RAB2A: variants seen among roughly 807,000 people sequenced by gnomAD.
RAB2A encodes ras-related protein Rab-2A.
In RAB2A, 7 loss-of-function variants were observed where a neutral mutation model predicts 32.5. That is an observed-to-expected ratio of 0.22 (90% confidence interval 0.12 to 0.40). The LOEUF (loss-of-function observed/expected upper bound fraction) is 0.40, where lower values mean the gene tolerates loss of function less well. RAB2A is among the 10% of genes least tolerant of loss of function. The probability of loss-of-function intolerance (pLI) is 1.00; values close to 1 mark genes in which losing one functional copy is unlikely to be tolerated. For synonymous variants in RAB2A, 79 were observed against 85.2 expected, an observed-to-expected ratio of 0.93 and a Z score of 0.40; for missense variants, 108 against 260.7, an observed-to-expected ratio of 0.41 and a Z score of 4.03.
At chr8:60,606,896 G>A (rs1387921066) in intron 6 of RAB2A, among the ~76,000 whole-genome samples, 2 of 152,222 alleles carry the variant, frequency 1.3e-5, no homozygotes, top group African/African-American at 2.4e-5. Context: ...CCTGTGATGG[G>A]TTGGGCTCCT....
In RAB2A at chr8:60,544,240, A is replaced by G. The variant is rs562679521; in HGVS notation, c.47-14612A>G. Among the ~76,000 whole-genome samples the G allele has an allele frequency of 4.6e-5, 7 of 151,776 alleles. No individual in the cohort carries two copies. In the South Asian group the frequency reaches 1.5e-3, roughly 32 times the overall value. ...TTTTTAGTAGAGACAGGGTTTCACC[A>G]TATTGGCCAGGCTGGTCTCGAACTC... On this transcript the variant is annotated intron_variant, in intron 1 of 7. Transcript: ENST00000262646.
intron 1 of RAB2A, among the ~76,000 whole-genome samples, chr8:60,543,381 C>T (rs1456130691): frequency 2.0e-5 from 2 of 101,066 alleles, no homozygotes; most frequent in African/African-American, 9.2e-5. Flanking sequence ...TGTCTTCATT[C>T]ACTTAACTGT....
At chr8:60,529,675 A>G (rs1200115558) in intron 1 of RAB2A, among the ~76,000 whole-genome samples, 1 of 152,128 alleles carries the variant, frequency 6.6e-6, no homozygotes, top group Non-Finnish European at 1.5e-5. Context: ...TTGGGGGTTT[A>G]TCTATATTAA....
intron 1 of RAB2A, among the ~76,000 whole-genome samples, chr8:60,548,988 T>C (rs1807797787): frequency 6.8e-6 from 1 of 146,900 alleles, no homozygotes; most frequent in Non-Finnish European, 1.5e-5. Context: ...GAGACGCTCC[T>C]CACATCCCGG....
At position 60,623,526 on chromosome 8, in the gene RAB2A, A is replaced by G. The variant is rs1225928112; in HGVS notation, c.*2757A>G. On this transcript the variant is annotated 3_prime_UTR_variant, in exon 8 of 8. Coordinates refer to ENST00000262646, the MANE Select transcript of RAB2A (RefSeq NM_002865.3). ...ATAACGCTGTTTCATAATAAACAGG[A>G]ATTGACTATACAAATAGGTAAACCA... 6.6e-6 allele frequency: 1 copy of G among 152,180 alleles called. No homozygotes were observed. The highest frequency in any genetic ancestry group is 1.5e-5 in the Non-Finnish European group (1 of 68,042). The allele number at this position is 152,180 out of a possible 1,614,324, so 9.4% of individuals were successfully genotyped here.
intron 3 of RAB2A, chr8:60,576,215 A>G: frequency 2.2e-6 from 1 of 456,320 alleles, no homozygotes; most frequent in Non-Finnish European, 4.4e-6. Flanking sequence ...GCCAAACTGT[A>G]AATATTCTTT....
intron 2 of RAB2A, among the ~76,000 whole-genome samples, chr8:60,567,581 T>C (rs1372544362): frequency 6.6e-6 from 1 of 152,102 alleles, no homozygotes; most frequent in Non-Finnish European, 1.5e-5. Flanking sequence ...ATACATGGGC[T>C]AATTTGGAGA....
intron 4 of RAB2A, 146 bp from the exon 5 acceptor site, chr8:60,584,577 T>C: frequency 1.5e-6 from 1 of 667,038 alleles, no homozygotes; most frequent in Non-Finnish European, 2.5e-6. Context: ...CAGTGAACTC[T>C]AAACCCAGAT....
At chr8:60,580,443 T>G (rs1803726129) in intron 3 of RAB2A, among the ~76,000 whole-genome samples, 1 of 152,178 alleles carries the variant, frequency 6.6e-6, no homozygotes, top group Non-Finnish European at 1.5e-5. Context: ...TGGGCAAGAT[T>G]TATTTCAAGG....
Position 60,623,314 on chromosome 8 carries a change from CAA to C in RAB2A, c.*2549_*2550del, listed in dbSNP as rs1483939855. ...TAGTCCCTATTTATCTGCTAATGGTCAAAAAGAGTTAGGATATAAATCGTACC... is the reference window on the plus strand; with the variant it reads ...TAGTCCCTATTTATCTGCTAATGGTCAAAGAGTTAGGATATAAATCGTACC... On this transcript the variant is annotated 3_prime_UTR_variant, in exon 8 of 8. Coordinates refer to ENST00000262646, the MANE Select transcript of RAB2A (RefSeq NM_002865.3). 3 of 152,110 alleles carry C rather than the reference CAA, an allele frequency of 2.0e-5. No homozygotes were observed. Among genetic ancestry groups the C allele is most frequent in the African/African-American group, 7.2e-5 (3 of 41,406 alleles). 9.4% of individuals were successfully genotyped at this position (152,110 alleles called of 1,614,324 possible). A position where few individuals can be genotyped will look rare whatever the true frequency, so the allele number is the denominator to read the frequency against.
intron 6 of RAB2A, among the ~76,000 whole-genome samples, chr8:60,616,491 T>A (rs1461257923): frequency 6.6e-6 from 1 of 152,240 alleles, no homozygotes; most frequent in East Asian, 1.9e-4. Flanking sequence ...TCTAAAGCCA[T>A]CACAGTAATT....
intron 1 of RAB2A, among the ~76,000 whole-genome samples, chr8:60,547,688 T>A (rs1161875894): frequency 8.3e-6 from 1 of 120,898 alleles, no homozygotes; most frequent in African/African-American, 3.0e-5. Flanking sequence ...ACGGGGCGGC[T>A]GGCCGGGCGG....
At chr8:60,548,790 C>T (rs1377551134) in intron 1 of RAB2A, among the ~76,000 whole-genome samples, 3 of 143,706 alleles carry the variant, frequency 2.1e-5, no homozygotes, top group African/African-American at 5.5e-5. Context: ...ACCTCCCTCC[C>T]AGACGGGGCG....
intron 1 of RAB2A, among the ~76,000 whole-genome samples, chr8:60,545,429 A>G (rs532842984): frequency 6.6e-6 from 1 of 152,058 alleles, no homozygotes; most frequent in South Asian, 2.1e-4. Context: ...AGTAGCTGAG[A>G]CTACTGCCAT....
intron 1 of RAB2A, among the ~76,000 whole-genome samples, chr8:60,549,479 CTT>C (rs34956255): frequency 4.5e-4 from 62 of 139,266 alleles, no homozygotes; most frequent in South Asian, 6.7e-4. Flanking sequence ...CTCCACCAAC[CTT>C]TTTTTTTTTT....
chr8:60,602,167 T>A (rs532650173), intron 6 of RAB2A, among the ~76,000 whole-genome samples: 3 of 152,110 alleles, frequency 2.0e-5, no homozygotes, highest in Non-Finnish European at 4.4e-5. Context: ...CTCAAGCCAC[T>A]GTGCCTGGGC....
At chr8:60,561,755 C>G (rs1808029115) in intron 2 of RAB2A, among the ~76,000 whole-genome samples, 1 of 152,146 alleles carries the variant, frequency 6.6e-6, no homozygotes, top group Non-Finnish European at 1.5e-5. Context: ...TTTTCATGGG[C>G]CCAGAATCAC....
intron 1 of RAB2A, among the ~76,000 whole-genome samples, chr8:60,531,546 T>C (rs1377764739): frequency 6.6e-6 from 1 of 152,222 alleles, no homozygotes; most frequent in East Asian, 1.9e-4. Context: ...GTTTCCTATC[T>C]GTTGAGCATC....
intron 1 of RAB2A, among the ~76,000 whole-genome samples, chr8:60,545,222 A>AT (rs1408093655): frequency 9.9e-6 from 1 of 101,468 alleles, no homozygotes; most frequent in African/African-American, 8.1e-5. Flanking sequence ...TTGCCTTAAA[A>AT]TGCAAGAGGA....
Sources: gnomAD v4.1 joint callset for allele counts (sites outside exome capture counted in the v4.1 genomes callset) on GRCh38, gnomAD v4.1.1 for gene constraint, MANE v1.5 for transcripts, NCBI Gene and HGNC (gene_info 2026-07-23, HGNC 2026-07-21) for gene names.